The following RSRC1 variants were observed in gnomAD, a reference collection of about 807,000 sequenced individuals.
RSRC1 encodes serine/Arginine-related protein 53.
A neutral mutation model predicts 49.1 loss-of-function variants in RSRC1; 39 were observed. The observed-to-expected ratio is 0.79, with a 90% CI of 0.61 to 1.04. The LOEUF (loss-of-function observed/expected upper bound fraction) is 1.04. Among genes scored for constraint, RSRC1 ranks in the 50% least tolerant of loss-of-function variants. The pLI is 0.00. For missense variants in RSRC1, 388 were observed against 402.4 expected (o/e 0.96, Z 0.31); for synonymous variants, 143 against 130.8 (o/e 1.09, Z -0.63).
chr3:158,178,638 T>C (rs1719398724), intron 3 of RSRC1, among the ~76,000 whole-genome samples: 1 of 152,188 alleles, frequency 6.6e-6, no homozygotes, highest in Non-Finnish European at 1.5e-5. Flanking sequence ...TATTCTTGGA[T>C]GTTTATTTTT....
chr3:158,428,280 G>A (rs1346171860), intron 6 of RSRC1, among the ~76,000 whole-genome samples: 1 of 151,824 alleles, frequency 6.6e-6, no homozygotes, highest in East Asian at 1.9e-4. Flanking sequence ...AAGGGATAAT[G>A]CATATCAGTT....
intron 3 of RSRC1, among the ~76,000 whole-genome samples, chr3:158,201,218 G>A (rs1157830347): frequency 1.3e-5 from 2 of 152,034 alleles, no homozygotes; most frequent in African/African-American, 2.4e-5. Context: ...GAGGTCAGTA[G>A]CAATAATTTG....
At chr3:158,271,687 A>G (rs1392522937) in intron 4 of RSRC1, among the ~76,000 whole-genome samples, 2 of 152,154 alleles carry the variant, frequency 1.3e-5, no homozygotes, top group Non-Finnish European at 2.9e-5. Context: ...AACTTTTATA[A>G]TGCTTTTTGA....
intron 3 of RSRC1, among the ~76,000 whole-genome samples, chr3:158,194,100 C>CAG (rs1559936833): frequency 1.8e-5 from 2 of 114,084 alleles, no homozygotes; most frequent in African/African-American, 6.5e-5. Flanking sequence ...CACACACACA[C>CAG]ACAGAAAAGA....
At chr3:158,497,280 G>A (rs1450233404) in intron 7 of RSRC1, among the ~76,000 whole-genome samples, 2 of 144,478 alleles carry the variant, frequency 1.4e-5, no homozygotes, top group African/African-American at 5.2e-5. Flanking sequence ...AGTTATTGGG[G>A]TACAGGTGGT....
chr3:158,433,333 CT>C (rs1467931737), intron 6 of RSRC1, among the ~76,000 whole-genome samples: 1 of 151,940 alleles, frequency 6.6e-6, no homozygotes, highest in African/African-American at 2.4e-5. Context: ...CTCCAGGTTA[CT>C]TTGGAGAAAG....
chr3:158,443,756 A>T (rs932884640), intron 6 of RSRC1, among the ~76,000 whole-genome samples: 4 of 152,070 alleles, frequency 2.6e-5, no homozygotes, highest in African/African-American at 7.2e-5. Context: ...CCCTCATCTC[A>T]GCTTTTGACA....
intron 3 of RSRC1, among the ~76,000 whole-genome samples, chr3:158,144,789 G>A (rs536119446): frequency 1.5e-3 from 230 of 152,094 alleles, no homozygotes; most frequent in African/African-American, 4.5e-3. Flanking sequence ...CATCCTCTCC[G>A]GCACCTGTTG....
At chr3:158,448,567 C>T (rs1242295454) in intron 6 of RSRC1, among the ~76,000 whole-genome samples, 1 of 151,846 alleles carries the variant, frequency 6.6e-6, no homozygotes, top group Non-Finnish European at 1.5e-5. Context: ...TCTTCCTTGT[C>T]ATTAGAATGC....
chr3:158,256,095 T>G (rs1264401596), intron 4 of RSRC1, among the ~76,000 whole-genome samples: 1 of 152,168 alleles, frequency 6.6e-6, no homozygotes, highest in Non-Finnish European at 1.5e-5. Context: ...CCTCCAACAC[T>G]GTGTTGAATC....
intron 5 of RSRC1, among the ~76,000 whole-genome samples, chr3:158,347,719 C>T (rs1269241633): frequency 6.6e-6 from 1 of 151,970 alleles, no homozygotes; most frequent in African/African-American, 2.4e-5. Flanking sequence ...TAATGGCTGA[C>T]TAATTGTTTT....
intron 6 of RSRC1, among the ~76,000 whole-genome samples, chr3:158,442,965 A>G (rs981965261): frequency 2.6e-5 from 4 of 152,082 alleles, no homozygotes; most frequent in Non-Finnish European, 5.9e-5. Flanking sequence ...AATAAGCAAT[A>G]ATATTTTAAA....
intron 6 of RSRC1, among the ~76,000 whole-genome samples, chr3:158,445,087 A>T (rs1366739198): frequency 6.6e-6 from 1 of 152,190 alleles, no homozygotes; most frequent in Admixed American, 6.5e-5. Flanking sequence ...ATTGTGAAAG[A>T]CAGTGTGGCG....
chr3:158,278,341 A>G (rs941066753), intron 4 of RSRC1, among the ~76,000 whole-genome samples: 1 of 152,236 alleles, frequency 6.6e-6, no homozygotes, highest in African/African-American at 2.4e-5. Context: ...GATTTGTCCA[A>G]CTAAGCCTCT....
chr3:158,421,459 G>A (rs1261721771), intron 6 of RSRC1, among the ~76,000 whole-genome samples: 2 of 151,972 alleles, frequency 1.3e-5, no homozygotes, highest in Non-Finnish European at 1.5e-5. Context: ...ATTTTAGGAA[G>A]GCTAGTAAGA....
At chr3:158,213,354 T>C (rs1721786734) in intron 4 of RSRC1, among the ~76,000 whole-genome samples, 1 of 151,848 alleles carries the variant, frequency 6.6e-6, no homozygotes, top group Non-Finnish European at 1.5e-5. Flanking sequence ...TTCAAGGCAA[T>C]GAAAGTATAT....
chr3:158,357,135 A>G (rs1381542873), intron 6 of RSRC1, among the ~76,000 whole-genome samples: 2 of 152,192 alleles, frequency 1.3e-5, no homozygotes, highest in African/African-American at 4.8e-5. Flanking sequence ...TTGAATATTT[A>G]TGTTGTTCAA....
At chr3:158,120,579 A>G (rs1438832431) in intron 1 of RSRC1, among the ~76,000 whole-genome samples, 1 of 147,356 alleles carries the variant, frequency 6.8e-6, no homozygotes, top group Admixed American at 6.8e-5. Flanking sequence ...TATTAAATAT[A>G]CAGTTAATAT....
chr3:158,351,151 G>A (rs1177868482), intron 5 of RSRC1, among the ~76,000 whole-genome samples: 1 of 152,182 alleles, frequency 6.6e-6, no homozygotes, highest in African/African-American at 2.4e-5. Context: ...AGACAGGTGG[G>A]ACGCAGAGGG....
Sources: allele counts gnomAD v4.1 joint callset (sites outside exome capture counted in the v4.1 genomes callset), GRCh38; gene constraint gnomAD v4.1.1; transcripts MANE v1.5; gene names NCBI Gene and HGNC (gene_info 2026-07-23, HGNC 2026-07-21).